Variants in UNC13B observed in about 807,000 individuals in gnomAD.
The protein encoded by UNC13B is unc-13 homolog B.
A neutral mutation model predicts 211.0 loss-of-function variants in UNC13B; 144 were observed. The ratio of observed to expected loss-of-function variants is 0.68; its 90% CI spans 0.60 to 0.78. The LOEUF is 0.78. Among genes scored for constraint, UNC13B ranks in the 30% least tolerant of loss-of-function variants. UNC13B has a pLI of 0.00. For missense variants in UNC13B, 1,777 were observed against 2,002.0 expected, an observed-to-expected ratio of 0.89 and a Z score of 2.14; for synonymous variants, 709 against 725.8, an observed-to-expected ratio of 0.98 and a Z score of 0.37.
At chr9:35,175,903 A>G (rs535509063) in intron 1 of UNC13B, among the ~76,000 whole-genome samples, 1 of 151,702 alleles carries the variant, frequency 6.6e-6, no homozygotes, top group African/African-American at 2.4e-5. Context: ...CTGCATGCCT[A>G]TAATCCCACT....
chr9:35,391,645 A>G (rs529309185), intron 26 of UNC13B, among the ~76,000 whole-genome samples: 5 of 152,328 alleles, frequency 3.3e-5, no homozygotes, highest in African/African-American at 1.2e-4. Flanking sequence ...GGAGGAGGTC[A>G]TTGGTCTCTC....
intron 11 of UNC13B, among the ~76,000 whole-genome samples, chr9:35,339,519 T>C (rs998315563): frequency 5.9e-5 from 9 of 152,248 alleles, no homozygotes; most frequent in Admixed American, 5.9e-4. Flanking sequence ...GAAGGGGCCA[T>C]GCTCTTTTAC....
intron 35 of UNC13B, 48 bp downstream of exon 35, chr9:35,399,496 C>G: frequency 1.2e-6 from 2 of 1,612,872 alleles, no homozygotes; most frequent in Non-Finnish European, 1.7e-6. Context: ...CTTCTGAAGT[C>G]ATGGAGAGAG....
intron 37 of UNC13B, chr9:35,402,048 A>G: frequency 6.5e-7 from 1 of 1,538,704 alleles, no homozygotes; most frequent in Non-Finnish European, 8.8e-7. Context: ...AACATGGGCT[A>G]ACACTGACCC....
At chr9:35,309,630 T>C (rs1830088962) in intron 9 of UNC13B, among the ~76,000 whole-genome samples, 1 of 152,210 alleles carries the variant, frequency 6.6e-6, no homozygotes, top group African/African-American at 2.4e-5. Context: ...CTCTCATGAC[T>C]TTCTGGATAT....
At chr9:35,351,685 C>G (rs1832730915) in intron 11 of UNC13B, 8 of 1,232,144 alleles carry the variant, frequency 6.5e-6, no homozygotes, top group Non-Finnish European at 8.1e-6. Flanking sequence ...ACTCCCTGCC[C>G]CCTTGCTGTG....
At chr9:35,381,787 C>G (rs1834858701) in intron 20 of UNC13B, 68 bp downstream of exon 20, 1 of 1,572,174 alleles carries the variant, frequency 6.4e-7, no homozygotes, top group Non-Finnish European at 8.7e-7. Context: ...GGCACACTGA[C>G]ATGGTGGGCA....
intron 26 of UNC13B, among the ~76,000 whole-genome samples, chr9:35,395,612 A>G (rs1281791132): frequency 6.6e-6 from 1 of 152,214 alleles, no homozygotes; most frequent in Admixed American, 6.5e-5. Flanking sequence ...ATGTGTCAGC[A>G]TACAATTGAT....
intron 1 of UNC13B, among the ~76,000 whole-genome samples, chr9:35,180,928 T>TA (rs11427601): frequency 0.46 from 65,001 of 140,874 alleles, 16,117 homozygotes; most frequent in East Asian, 0.86. Context: ...ACCCTGTCTT[T>TA]AAAAAAAAAA....
Position 35,399,744 on chromosome 9 carries a change from T to C in UNC13B, c.12336+15T>C. On this transcript the variant is annotated intron_variant, in intron 36 of 39. Coordinates refer to ENST00000635942, the MANE Select transcript of UNC13B (RefSeq NM_001371189.2). Reference sequence around the variant, plus strand: ...ACACCATCAAGGTGGAGGCCCCCCCTTTTTCAGACAGTCTTAACCACCACA... The same window carrying C: ...ACACCATCAAGGTGGAGGCCCCCCCCTTTTCAGACAGTCTTAACCACCACA... The C allele has an allele frequency of 6.2e-7, 1 of 1,613,284 alleles. No homozygotes were observed. The highest frequency in any genetic ancestry group is 8.5e-7 in the Non-Finnish European group (1 of 1,179,358).
At chr9:35,341,558 G>C (rs1305850105) in intron 11 of UNC13B, among the ~76,000 whole-genome samples, 1 of 152,144 alleles carries the variant, frequency 6.6e-6, no homozygotes, top group Non-Finnish European at 1.5e-5. Context: ...AGGAGCTCCT[G>C]AAAGTATAGG....
At chr9:35,208,706 G>A (rs1231639640) in intron 1 of UNC13B, among the ~76,000 whole-genome samples, 1 of 152,160 alleles carries the variant, frequency 6.6e-6, no homozygotes, top group Non-Finnish European at 1.5e-5. Context: ...AGAGGATGGT[G>A]CTAAAGGCTA....
At chr9:35,240,416 A>G (rs1161829033) in intron 5 of UNC13B, among the ~76,000 whole-genome samples, 2 of 152,172 alleles carry the variant, frequency 1.3e-5, no homozygotes, top group Non-Finnish European at 2.9e-5. Context: ...TTTTCCAGCT[A>G]GCTCAGAAAG....
rs1032721887 is a variant in UNC13B at position 35,276,080 on chromosome 9, C to T, written c.526+17030C>T. Reference sequence around the variant, plus strand: ...CAGCACTTTGGGAGGCTGAAGTGGGCAGGTTGTTTGAGCTCAGGAGTTCGA... The same window carrying T: ...CAGCACTTTGGGAGGCTGAAGTGGGTAGGTTGTTTGAGCTCAGGAGTTCGA... On this transcript the variant is annotated intron_variant, in intron 7 of 39. Coordinates refer to ENST00000635942, the MANE Select transcript of UNC13B (RefSeq NM_001371189.2). Among the ~76,000 whole-genome samples, 14 of 151,960 alleles carry T rather than the reference C, an allele frequency of 9.2e-5. No individual in the cohort carries two copies. In the East Asian group the frequency reaches 2.7e-3, roughly 29 times the overall value.
intron 2 of UNC13B, among the ~76,000 whole-genome samples, chr9:35,230,479 A>G (rs1180330002): frequency 2.0e-5 from 3 of 151,832 alleles, no homozygotes; most frequent in African/African-American, 7.3e-5. Context: ...TCAAAAAAAA[A>G]AAAAAAAAAA....
chr9:35,380,256 G>A (rs955728081), intron 17 of UNC13B, among the ~76,000 whole-genome samples: 2 of 152,182 alleles, frequency 1.3e-5, no homozygotes, highest in African/African-American at 4.8e-5. Context: ...AATAAGAACT[G>A]TACAGTGGTA....
At chr9:35,368,723 T>C (rs1249792576) in intron 12 of UNC13B, among the ~76,000 whole-genome samples, 3 of 144,224 alleles carry the variant, frequency 2.1e-5, no homozygotes, top group African/African-American at 5.4e-5. Flanking sequence ...CAGTATCTGT[T>C]TTTTTTTTTT....
At chr9:35,175,042 G>C (rs1242755834) in intron 1 of UNC13B, among the ~76,000 whole-genome samples, 1 of 152,090 alleles carries the variant, frequency 6.6e-6, no homozygotes, top group Admixed American at 6.5e-5. Context: ...CAAGTGATCT[G>C]TCTGCTTCAG....
chr9:35,174,924 C>T (rs1438232820), intron 1 of UNC13B, among the ~76,000 whole-genome samples: 1 of 152,092 alleles, frequency 6.6e-6, no homozygotes, highest in African/African-American at 2.4e-5. Flanking sequence ...CCACACGCCT[C>T]AGCCTCCCAA....
Sources: allele counts gnomAD v4.1 joint callset (sites outside exome capture counted in the v4.1 genomes callset), GRCh38; gene constraint gnomAD v4.1.1; transcripts MANE v1.5; gene names NCBI Gene and HGNC (gene_info 2026-07-23, HGNC 2026-07-21).